The following N4BP2L1 variants were observed in gnomAD, a reference collection of about 807,000 sequenced individuals.
N4BP2L1 encodes the protein NEDD4-binding protein 2-like 1.
In N4BP2L1, 12 loss-of-function variants were observed where a neutral mutation model predicts 21.2. That is an observed-to-expected ratio of 0.57 (90% CI 0.36 to 0.92). The LOEUF (loss-of-function observed/expected upper bound fraction) is 0.92, where lower values mean the gene tolerates loss of function less well. Ranked by LOEUF, N4BP2L1 falls within the 40% of genes least tolerant of loss-of-function variation. N4BP2L1 has a pLI of 0.01. For synonymous variants in N4BP2L1, 104 were observed against 112.8 expected, an observed-to-expected ratio of 0.92 and a Z score of 0.49; for missense variants, 259 against 310.6, an observed-to-expected ratio of 0.83 and a Z score of 1.25.
intron 1 of N4BP2L1, among the ~76,000 whole-genome samples, chr13:32,422,125 C>T (rs1343325466): frequency 2.0e-5 from 3 of 151,958 alleles, no homozygotes; most frequent in Non-Finnish European, 2.9e-5. Flanking sequence ...CTCAATGGTA[C>T]GTTAATAAAG....
chr13:32,421,333 T>A (rs1216938965), intron 1 of N4BP2L1, among the ~76,000 whole-genome samples: 4 of 152,208 alleles, frequency 2.6e-5, no homozygotes, highest in Non-Finnish European at 5.9e-5. Flanking sequence ...AATGGTAGCA[T>A]GAAAGTCCCT....
At chr13:32,428,584 C>A (rs1334610043), upstream of N4BP2L1, among the ~76,000 whole-genome samples, 1 of 152,246 alleles carries the variant, frequency 6.6e-6, no homozygotes, top group African/African-American at 2.4e-5. Flanking sequence ...ATCTGGCTGG[C>A]GTCCCAAGGG....
chr13:32,420,799 T>C (rs1047352357), intron 1 of N4BP2L1, among the ~76,000 whole-genome samples: 2 of 152,224 alleles, frequency 1.3e-5, no homozygotes, highest in East Asian at 3.8e-4. Context: ...GTTCAAGTGA[T>C]TCTCCTGCCT....
At chr13:32,428,214 C>T (rs1420720767), upstream of N4BP2L1, 6 of 918,764 alleles carry the variant, frequency 6.5e-6, no homozygotes, top group Middle Eastern at 2.6e-4. Context: ...CCAGCCCCTC[C>T]TTTCCACCCG....
intron 3 of N4BP2L1, chr13:32,406,967 A>C: frequency 7.1e-6 from 3 of 421,688 alleles, no homozygotes; most frequent in South Asian, 7.0e-5. Context: ...GCCTTGCCGT[A>C]GGAAAGTAAT....
At chr13:32,406,373 A>G (rs2073508915) in intron 3 of N4BP2L1, 1 of 152,236 alleles carries the variant, frequency 6.6e-6, no homozygotes, top group African/African-American at 2.4e-5. Flanking sequence ...GTTCTTTGCT[A>G]TTCTGACAAT....
chr13:32,404,444 T>A, intron 3 of N4BP2L1, 47 bp from the exon 4 acceptor site: 1 of 1,342,638 alleles, frequency 7.4e-7, no homozygotes, highest in Non-Finnish European at 1.1e-6. Flanking sequence ...AGTATGTATG[T>A]TTGGGAATGT....
At chr13:32,424,233 C>T (rs748803969) in intron 1 of N4BP2L1, among the ~76,000 whole-genome samples, 6 of 152,210 alleles carry the variant, frequency 3.9e-5, no homozygotes, top group East Asian at 3.8e-4. Context: ...CAATCAAGCC[C>T]GGGAGCACAC....
At position 32,403,806 on chromosome 13, in the gene N4BP2L1, C is replaced by A. The variant is rs1212696305; in HGVS notation, c.473+515G>T. ...CAGCCTTACTCCTAAGAAGTAAATT[C>A]TTACCTCACTGGCTATTTTAAGTCA... On this transcript the variant is annotated intron_variant, in intron 4 of 4. Coordinates refer to ENST00000380130, the MANE Select transcript of N4BP2L1 (RefSeq NM_052818.3). The A allele has an allele frequency of 5.8e-6, 3 of 513,606 alleles. No individual in the cohort carries two copies. In the East Asian group the frequency reaches 1.6e-4, roughly 28 times the overall value. The allele number at this position is 513,606 out of a possible 1,614,324, so 31.8% of individuals were successfully genotyped here.
At chr13:32,404,548 T>C in intron 3 of N4BP2L1, 151 bp from the exon 4 acceptor site, 2 of 627,884 alleles carry the variant, frequency 3.2e-6, no homozygotes, top group East Asian at 2.8e-5. Flanking sequence ...ATAAATGCAG[T>C]TGTTTCATTC....
At chr13:32,418,034 A>C (rs929748222) in intron 1 of N4BP2L1, among the ~76,000 whole-genome samples, 5 of 152,244 alleles carry the variant, frequency 3.3e-5, no homozygotes. Flanking sequence ...TGAGAAATTC[A>C]AGCCAGCTGC....
Position 32,402,832 on chromosome 13 carries a change from T to G in N4BP2L1, c.*110A>C. ...ATGACTTTGCTCAGAAACTTTTGAGTTCAGCTATTTACACTGGAATTGGAG... is the reference window on the plus strand; with the variant it reads ...ATGACTTTGCTCAGAAACTTTTGAGGTCAGCTATTTACACTGGAATTGGAG... On this transcript the variant is annotated 3_prime_UTR_variant, in exon 5 of 5. Coordinates refer to ENST00000380130, the MANE Select transcript of N4BP2L1 (RefSeq NM_052818.3). 5 of 1,454,126 alleles carry G rather than the reference T, an allele frequency of 3.4e-6. No homozygotes were observed. The highest frequency in any genetic ancestry group is 4.5e-6 in the Non-Finnish European group (5 of 1,101,040). 90.1% of individuals were successfully genotyped at this position (1,454,126 alleles called of 1,614,324 possible). A position where few individuals can be genotyped will look rare whatever the true frequency, so the allele number is the denominator to read the frequency against.
In N4BP2L1 at chr13:32,401,925, A is replaced by G. The variant is rs967562472; in HGVS notation, c.*1017T>C. ...ACCTGTTGGAAATTAATTTGGATTC[A>G]TAAATTCAGCATCAGTATAAGAAGA... is the stretch of plus-strand genomic sequence containing the variant. On this transcript the variant is annotated 3_prime_UTR_variant, in exon 5 of 5. Coordinates refer to ENST00000380130, the MANE Select transcript of N4BP2L1 (RefSeq NM_052818.3). 4 of 985,696 alleles carry G rather than the reference A, an allele frequency of 4.1e-6. No homozygotes were observed. Among genetic ancestry groups the G allele is most frequent in the Admixed American group, 6.1e-5 (1 of 16,288 alleles). 61.1% of individuals were successfully genotyped at this position (985,696 alleles called of 1,614,324 possible).
intron 1 of N4BP2L1, among the ~76,000 whole-genome samples, chr13:32,416,328 C>T (rs749378177): frequency 1.3e-5 from 2 of 152,200 alleles, no homozygotes; most frequent in Non-Finnish European, 2.9e-5. Context: ...TTAGGGCCAA[C>T]GAGTGGTACA....
chr13:32,407,572 T>C, intron 2 of N4BP2L1, 73 bp downstream of exon 2: 1 of 1,605,348 alleles, frequency 6.2e-7, no homozygotes, highest in Non-Finnish European at 8.5e-7. Context: ...TCCATAAAAT[T>C]TATTCATTCT....
Position 32,407,783 on chromosome 13 carries a change from G to A in N4BP2L1, c.180-11C>T. On this transcript the variant is annotated splice_polypyrimidine_tract_variant and intron_variant, in intron 1 of 4. Coordinates refer to ENST00000380130, the MANE Select transcript of N4BP2L1 (RefSeq NM_052818.3). ...TCATGCTGCAATTGTCTGGAAAGTGGAGAAATGAGAGAGAGAGATGTTTTA... is the reference window on the plus strand; with the variant it reads ...TCATGCTGCAATTGTCTGGAAAGTGAAGAAATGAGAGAGAGAGATGTTTTA... The A allele has an allele frequency of 1.9e-6, 3 of 1,569,262 alleles. No homozygotes were observed. The highest frequency in any genetic ancestry group is 2.6e-6 in the Non-Finnish European group (3 of 1,162,108).
At chr13:32,403,463 C>T (rs1451048513) in intron 4 of N4BP2L1, among the ~76,000 whole-genome samples, 1 of 152,122 alleles carries the variant, frequency 6.6e-6, no homozygotes, top group African/African-American at 2.4e-5. Context: ...CTCTCAATTA[C>T]GTGCTTCAAG....
chr13:32,403,346 A>C, intron 4 of N4BP2L1, 146 bp from the exon 5 acceptor site: 2 of 861,668 alleles, frequency 2.3e-6, no homozygotes, highest in Non-Finnish European at 3.5e-6. Context: ...CTTGTTCAGC[A>C]GTTCTCTTTC....
chr13:32,414,853 G>A (rs541587181), intron 1 of N4BP2L1, among the ~76,000 whole-genome samples: 2 of 152,246 alleles, frequency 1.3e-5, no homozygotes, highest in East Asian at 3.9e-4. Flanking sequence ...ATTCACTCAG[G>A]GCACATGGGT....
Sources: gnomAD v4.1 joint callset for allele counts (sites outside exome capture counted in the v4.1 genomes callset) on GRCh38, gnomAD v4.1.1 for gene constraint, MANE v1.5 for transcripts, NCBI Gene and HGNC (gene_info 2026-07-23, HGNC 2026-07-21) for gene names.